The following MBOAT2 variants were observed in gnomAD, a reference collection of about 807,000 sequenced individuals.
The protein encoded by MBOAT2 is membrane bound glycerophospholipid O-acyltransferase 2, also known as membrane-bound glycerophospholipid O-acyltransferase 2.
Under a neutral mutation model 63.4 loss-of-function variants are expected in MBOAT2, and 28 were observed. The ratio of observed to expected loss-of-function variants is 0.44; its 90% CI spans 0.33 to 0.61. The LOEUF (loss-of-function observed/expected upper bound fraction) is 0.61. MBOAT2 is among the 20% of genes least tolerant of loss of function. The pLI is 0.03. For missense variants in MBOAT2, 470 were observed against 605.8 expected (o/e 0.78, Z 2.35); for synonymous variants, 211 against 215.6 (o/e 0.98, Z 0.19).
At chr2:8,952,005 G>C (rs556303016) in intron 2 of MBOAT2, among the ~76,000 whole-genome samples, 4 of 152,146 alleles carry the variant, frequency 2.6e-5, no homozygotes, top group African/African-American at 9.6e-5. Flanking sequence ...AGTTCCTCTA[G>C]GTGTGATGTT....
At chr2:8,957,797 C>A (rs962748363) in intron 2 of MBOAT2, among the ~76,000 whole-genome samples, 18 of 152,198 alleles carry the variant, frequency 1.2e-4, no homozygotes, top group Non-Finnish European at 2.6e-4. Context: ...GAGACTGCCG[C>A]TGAGAGTTTC....
intron 3 of MBOAT2, among the ~76,000 whole-genome samples, chr2:8,940,354 C>A (rs1667966626): frequency 6.6e-6 from 1 of 151,986 alleles, no homozygotes; most frequent in African/African-American, 2.4e-5. Flanking sequence ...TGCAGTGGTG[C>A]GATCTTGGCT....
chr2:9,002,036 C>T (rs1472702750), intron 1 of MBOAT2, among the ~76,000 whole-genome samples: 1 of 151,478 alleles, frequency 6.6e-6, no homozygotes, highest in Non-Finnish European at 1.5e-5. Context: ...GTGTGATATG[C>T]TAAAAGGTCA....
intron 3 of MBOAT2, among the ~76,000 whole-genome samples, chr2:8,938,587 C>T (rs1024417250): frequency 3.3e-5 from 5 of 151,890 alleles, no homozygotes; most frequent in African/African-American, 9.7e-5. Context: ...CATTTCATGC[C>T]GTGTTTCATG....
intron 1 of MBOAT2, among the ~76,000 whole-genome samples, chr2:8,983,769 T>C (rs963039964): frequency 1.1e-4 from 16 of 152,170 alleles, no homozygotes; most frequent in Non-Finnish European, 1.8e-4. Context: ...CACAAAAGTA[T>C]CCAGAAGTGA....
At chr2:8,892,382 C>T (rs2148557653) in intron 4 of MBOAT2, among the ~76,000 whole-genome samples, 1 of 152,210 alleles carries the variant, frequency 6.6e-6, no homozygotes, top group South Asian at 2.1e-4. Flanking sequence ...TTACCTAACA[C>T]CAAATGAATA....
intron 1 of MBOAT2, among the ~76,000 whole-genome samples, chr2:8,990,902 A>C (rs16866866): frequency 0.056 from 8,581 of 152,250 alleles, 239 homozygotes; most frequent in Middle Eastern, 0.075. Context: ...CAGCACCCAA[A>C]ATTATAAGCT....
At position 8,857,908 on chromosome 2, in the gene MBOAT2, C is replaced by G. The variant is rs953147733; in HGVS notation, c.*771G>C. 2 of 152,366 alleles carry G rather than the reference C, an allele frequency of 1.3e-5. No individual in the cohort carries two copies. Among genetic ancestry groups the G allele is most frequent in the African/African-American group, 4.8e-5 (2 of 41,436 alleles). 9.4% of individuals were successfully genotyped at this position (152,366 alleles called of 1,614,324 possible). A position where few individuals can be genotyped will look rare whatever the true frequency, so the allele number is the denominator to read the frequency against. On this transcript the variant is annotated 3_prime_UTR_variant, in exon 13 of 13. Coordinates refer to ENST00000305997, the MANE Select transcript of MBOAT2 (RefSeq NM_138799.4). The stretch of plus-strand genomic sequence containing the variant: ...GTGCTTCTTCATTCCTGCCTTCCTT[C>G]GTCACCTCTCTCTTTTAAGAAAAAG...
chr2:8,918,345 G>C (rs1335908156), intron 3 of MBOAT2, among the ~76,000 whole-genome samples: 1 of 152,174 alleles, frequency 6.6e-6, no homozygotes, highest in Non-Finnish European at 1.5e-5. Context: ...ATTTTCAAGA[G>C]GAAATGGGCA....
chr2:8,936,828 A>AAAAG lies in MBOAT2; in HGVS notation c.299+6355_299+6358dup, dbSNP rs141033801. On this transcript the variant is annotated intron_variant, in intron 3 of 12. Coordinates refer to ENST00000305997, the MANE Select transcript of MBOAT2 (RefSeq NM_138799.4). ...AAAGAAAAGAAAAAGAAAAGAAAAAAAAAGAAAGAAAGAAAGAAAGAAAAT... is the reference window on the plus strand; with the variant it reads ...AAAGAAAAGAAAAAGAAAAGAAAAAAAAAGAAAGAAAGAAAGAAAGAAAGAAAAT... Among the ~76,000 whole-genome samples the AAAAG allele has an allele frequency of 4.8e-3, 712 of 147,662 alleles. 7 individuals are homozygous for AAAAG. The highest frequency in any genetic ancestry group is 0.02 in the South Asian group (93 of 4,734).
chr2:8,869,208 AT>A (rs750568440), intron 8 of MBOAT2, among the ~76,000 whole-genome samples: 12,727 of 124,916 alleles, frequency 0.1, 543 homozygotes, highest in South Asian at 0.24. Context: ...CATCATGCCT[AT>A]TTTTTTTTTT....
chr2:8,872,420 G>A (rs1442786472), intron 8 of MBOAT2, among the ~76,000 whole-genome samples: 2 of 152,108 alleles, frequency 1.3e-5, no homozygotes, highest in Non-Finnish European at 2.9e-5. Flanking sequence ...TGGGACTACA[G>A]GCACATGCCA....
In MBOAT2 at chr2:8,852,932, ACTT is replaced by A. The variant is rs948075733; in HGVS notation, c.*5744_*5746del. The A allele has an allele frequency of 6.6e-6, 1 of 152,214 alleles. No individual in the cohort carries two copies. Among genetic ancestry groups the A allele is most frequent in the African/African-American group, 2.4e-5 (1 of 41,436 alleles). The allele number at this position is 152,214 out of a possible 1,614,324, so 9.4% of individuals were successfully genotyped here. On this transcript the variant is annotated 3_prime_UTR_variant, in exon 13 of 13. Coordinates refer to ENST00000305997, the MANE Select transcript of MBOAT2 (RefSeq NM_138799.4). ...ATTTATGAATCTGTTGAAAAATAAC[ACTT>A]CTTTAAAAAAATATTTTGGAATAAT...
chr2:8,903,655 C>T (rs1044882066), intron 4 of MBOAT2, among the ~76,000 whole-genome samples: 1 of 152,200 alleles, frequency 6.6e-6, no homozygotes, highest in African/African-American at 2.4e-5. Flanking sequence ...ATACAATTTA[C>T]TGAGTACAGC....
intron 4 of MBOAT2, among the ~76,000 whole-genome samples, chr2:8,898,841 G>T (rs1435562747): frequency 6.6e-6 from 1 of 152,214 alleles, no homozygotes; most frequent in African/African-American, 2.4e-5. Context: ...GCTTCCTCTG[G>T]TATTTGAGAG....
At chr2:8,907,786 A>G (rs1455887813) in intron 4 of MBOAT2, among the ~76,000 whole-genome samples, 2 of 152,224 alleles carry the variant, frequency 1.3e-5, no homozygotes, top group African/African-American at 4.8e-5. Context: ...ATTAGGGAGA[A>G]AAAGGTATTT....
Position 8,891,816 on chromosome 2 carries a change from G to A in MBOAT2, c.396-3743C>T, listed in dbSNP as rs74841782. Among the ~76,000 whole-genome samples, 543 of 152,222 alleles carry A rather than the reference G, an allele frequency of 3.6e-3. 4 individuals carry two copies. Among genetic ancestry groups the A allele is most frequent in the African/African-American group, 0.012 (495 of 41,530 alleles). On this transcript the variant is annotated intron_variant, in intron 4 of 12. Coordinates refer to ENST00000305997, the MANE Select transcript of MBOAT2 (RefSeq NM_138799.4). The stretch of plus-strand genomic sequence containing the variant: ...GTCAGGGCCTCAGGATGGAGCTTCC[G>A]TTTCCTTCTATAGGACAACATTAGT...
At chr2:8,891,372 T>C (rs1199898042) in intron 4 of MBOAT2, among the ~76,000 whole-genome samples, 1 of 151,916 alleles carries the variant, frequency 6.6e-6, no homozygotes, top group African/African-American at 2.4e-5. Flanking sequence ...GACATATGAG[T>C]CCAACGCAGC....
chr2:8,891,586 C>T (rs1477921950), intron 4 of MBOAT2, among the ~76,000 whole-genome samples: 1 of 152,238 alleles, frequency 6.6e-6, no homozygotes, highest in African/African-American at 2.4e-5. Context: ...ACAACTATTT[C>T]ACTTACATCT....
Sources: gnomAD v4.1 joint callset for allele counts (sites outside exome capture counted in the v4.1 genomes callset) on GRCh38, gnomAD v4.1.1 for gene constraint, MANE v1.5 for transcripts, NCBI Gene and HGNC (gene_info 2026-07-23, HGNC 2026-07-21) for gene names.